The following ABCA12 variants were observed in gnomAD, a reference collection of about 807,000 sequenced individuals.
ABCA12 encodes the protein glucosylceramide transporter ABCA12.
A neutral mutation model predicts 293.5 loss-of-function variants in ABCA12; 156 were observed. That is an observed-to-expected ratio of 0.53 (90% confidence interval 0.47 to 0.61). ABCA12 has a LOEUF of 0.61. Ranked by LOEUF, ABCA12 falls within the 20% of genes least tolerant of loss-of-function variation. ABCA12 has a pLI of 0.00. For synonymous variants in ABCA12, 1,063 were observed against 1,108.0 expected (o/e 0.96, Z 0.81); for missense variants, 2,797 against 3,090.2 (o/e 0.91, Z 2.25).
At chr2:215,056,922 A>G (rs1171795976) in intron 3 of ABCA12, among the ~76,000 whole-genome samples, 1 of 152,084 alleles carries the variant, frequency 6.6e-6, no homozygotes, top group Non-Finnish European at 1.5e-5. Context: ...ACAGTGGTTG[A>G]GAAATAGCAC....
intron 2 of ABCA12, among the ~76,000 whole-genome samples, chr2:215,083,780 T>C (rs913364024): frequency 6.6e-6 from 1 of 152,178 alleles, no homozygotes; most frequent in African/African-American, 2.4e-5. Flanking sequence ...GGTATTCAAT[T>C]CACTGAAAAG....
intron 3 of ABCA12, among the ~76,000 whole-genome samples, chr2:215,062,203 C>CGCTGCTA (rs1223684321): frequency 6.6e-6 from 1 of 151,982 alleles, no homozygotes; most frequent in East Asian, 1.9e-4. Context: ...GTTTTCCCTC[C>CGCTGCTA]GCTGCTAGAA....
chr2:215,037,086 TA>T, intron 7 of ABCA12, 21 bp from the exon 8 acceptor site: 1 of 1,594,466 alleles, frequency 6.3e-7, no homozygotes, highest in Non-Finnish European at 8.6e-7. Context: ...AAAAAGCAAT[TA>T]AACCAGATTC....
chr2:215,014,901 T>C (rs1375546513), intron 15 of ABCA12, among the ~76,000 whole-genome samples: 1 of 152,222 alleles, frequency 6.6e-6, no homozygotes, highest in Non-Finnish European at 1.5e-5. Flanking sequence ...CCTATGTTTA[T>C]ATTTTTCTTT....
At chr2:215,008,786 A>G (rs577810061) in intron 18 of ABCA12, among the ~76,000 whole-genome samples, 1 of 152,238 alleles carries the variant, frequency 6.6e-6, no homozygotes, top group East Asian at 1.9e-4. Flanking sequence ...ACCAAATACA[A>G]AAAGGGGAAA....
In ABCA12 at chr2:214,932,183, A is replaced by C. The variant is rs1698078784; in HGVS notation, c.*451T>G. ...CACATCACAGCCGATTCATGTATTC[A>C]TGATGATGTTCATTCTGTTGTTTTC... On this transcript the variant is annotated 3_prime_UTR_variant, in exon 53 of 53. Transcript: ENST00000272895. 1 of 233,502 alleles carries C rather than the reference A, an allele frequency of 4.3e-6. No individual in the cohort carries two copies. The highest frequency in any genetic ancestry group is 2.3e-5 in the African/African-American group (1 of 42,750). 14.5% of individuals were successfully genotyped at this position (233,502 alleles called of 1,614,324 possible).
intron 48 of ABCA12, among the ~76,000 whole-genome samples, chr2:214,947,183 C>T (rs1184148346): frequency 6.6e-6 from 1 of 152,138 alleles, no homozygotes; most frequent in African/African-American, 2.4e-5. Flanking sequence ...CTTGGAAACG[C>T]ACTAAGCTAT....
intron 8 of ABCA12, 145 bp from the exon 9 acceptor site, chr2:215,032,041 C>T (rs1202573569): frequency 2.0e-6 from 3 of 1,512,108 alleles, no homozygotes; most frequent in Non-Finnish European, 2.6e-6. Context: ...GTATAAAAGA[C>T]ATCTATGCTC....
chr2:215,069,632 C>T (rs986935820), intron 2 of ABCA12, among the ~76,000 whole-genome samples: 3 of 152,068 alleles, frequency 2.0e-5, no homozygotes, highest in Non-Finnish European at 2.9e-5. Flanking sequence ...CCTTCGCATG[C>T]ACCTTTCATT....
intron 7 of ABCA12, among the ~76,000 whole-genome samples, chr2:215,041,445 G>A (rs557822433): frequency 3.3e-4 from 50 of 151,906 alleles, no homozygotes; most frequent in African/African-American, 8.9e-4. Context: ...CCAGCTACTC[G>A]GGAGGCTAAG....
At chr2:215,020,852 C>A (rs990502822) in intron 11 of ABCA12, 4 of 151,602 alleles carry the variant, frequency 2.6e-5, no homozygotes, top group Admixed American at 2.0e-4. Flanking sequence ...CAGGCATATA[C>A]CTGCACTCCT....
At chr2:215,133,015 C>T (rs1041812857) in intron 1 of ABCA12, among the ~76,000 whole-genome samples, 1 of 151,936 alleles carries the variant, frequency 6.6e-6, no homozygotes, top group South Asian at 2.1e-4. Context: ...TTCCAGCTGG[C>T]ATTTTTTCTT....
At chr2:214,958,017 C>G (rs1271961325) in intron 41 of ABCA12, among the ~76,000 whole-genome samples, 1 of 152,082 alleles carries the variant, frequency 6.6e-6, no homozygotes, top group East Asian at 1.9e-4. Context: ...ATGAATTTAA[C>G]AGATCTGGAG....
chr2:215,106,641 T>A (rs1288299781), intron 2 of ABCA12, among the ~76,000 whole-genome samples: 1 of 151,856 alleles, frequency 6.6e-6, no homozygotes, highest in African/African-American at 2.4e-5. Flanking sequence ...AACTAAGGCA[T>A]GCAAAGTACT....
At chr2:215,063,996 C>T in intron 3 of ABCA12, 70 bp downstream of exon 3, 2 of 1,603,534 alleles carry the variant, frequency 1.2e-6, no homozygotes, top group Non-Finnish European at 1.7e-6. Flanking sequence ...GCATGGCTTC[C>T]TGGCTATCTC....
chr2:214,980,462 T>C (rs367910996), intron 31 of ABCA12, 21 bp downstream of exon 31: 29 of 1,612,494 alleles, frequency 1.8e-5, no homozygotes, highest in Non-Finnish European at 2.3e-5. Flanking sequence ...CATAATGAGA[T>C]ATATTTTCTC....
Position 214,932,742 on chromosome 2 carries a change from C to A in ABCA12, c.7681-1G>T. 1.2e-6 allele frequency: 2 copies of A among 1,611,286 alleles called. No individual in the cohort carries two copies. Among genetic ancestry groups the A allele is most frequent in the Non-Finnish European group, 1.7e-6 (2 of 1,177,720 alleles). On this transcript the variant is annotated splice_acceptor_variant, in intron 52 of 52. Coordinates refer to ENST00000272895, the MANE Select transcript of ABCA12 (RefSeq NM_173076.3). LOFTEE classifies it high-confidence loss of function. ...GGTCTTTGGCAAAGTTGATGAAAAC[C>A]TGATTTTTCAGGGAAAATAAAGCCA... is the stretch of plus-strand genomic sequence containing the variant.
chr2:215,129,178 G>A (rs1256009801), intron 1 of ABCA12, among the ~76,000 whole-genome samples: 1 of 152,218 alleles, frequency 6.6e-6, no homozygotes, highest in Non-Finnish European at 1.5e-5. Context: ...ATGGATACCA[G>A]TGCCTTCAGC....
intron 1 of ABCA12, among the ~76,000 whole-genome samples, chr2:215,134,444 G>A (rs555797645): frequency 1.8e-4 from 25 of 139,874 alleles, no homozygotes; most frequent in Admixed American, 3.6e-4. Context: ...GTATATATAC[G>A]TATATATGTA....
Sources: allele counts gnomAD v4.1 joint callset (sites outside exome capture counted in the v4.1 genomes callset), GRCh38; gene constraint gnomAD v4.1.1; transcripts MANE v1.5; gene names NCBI Gene and HGNC (gene_info 2026-07-23, HGNC 2026-07-21).